Variants in PIP4K2A observed in about 807,000 individuals in gnomAD.
PIP4K2A encodes phosphatidylinositol 5-phosphate 4-kinase type-2 alpha.
PIP4K2A carries 14 observed loss-of-function variants against 42.9 expected under a neutral mutation model. The observed-to-expected ratio is 0.33, with a 90% CI of 0.22 to 0.51. PIP4K2A has a LOEUF of 0.51. Ranked by LOEUF, PIP4K2A falls within the 20% of genes least tolerant of loss-of-function variation. PIP4K2A has a pLI of 0.97. For missense variants in PIP4K2A, 434 were observed against 519.8 expected, an observed-to-expected ratio of 0.83 and a Z score of 1.61; for synonymous variants, 192 against 192.2, an observed-to-expected ratio of 1.00 and a Z score of 0.01.
At chr10:22,653,860 T>A (rs767270540) in intron 1 of PIP4K2A, among the ~76,000 whole-genome samples, 34 of 151,724 alleles carry the variant, frequency 2.2e-4, no homozygotes, top group Admixed American at 3.9e-4. Context: ...GGCAACAGAG[T>A]GAGACTCCAT....
intron 1 of PIP4K2A, chr10:22,661,944 T>C (rs947171271): frequency 4.6e-5 from 7 of 152,126 alleles, no homozygotes; most frequent in East Asian, 1.9e-4. Flanking sequence ...AGGAACAAGA[T>C]TGTGATGTGA....
At chr10:22,591,352 TA>T (rs200429568) in intron 4 of PIP4K2A, among the ~76,000 whole-genome samples, 2,297 of 152,344 alleles carry the variant, frequency 0.015, 53 homozygotes, top group African/African-American at 0.051. Flanking sequence ...TGAATGATTT[TA>T]AAATCAGAGT....
chr10:22,634,196 C>T (rs1838613526), intron 1 of PIP4K2A, among the ~76,000 whole-genome samples: 1 of 152,178 alleles, frequency 6.6e-6, no homozygotes, highest in Admixed American at 6.5e-5. Flanking sequence ...CAGAAGAGAC[C>T]AAAGAGCCCA....
intron 1 of PIP4K2A, among the ~76,000 whole-genome samples, chr10:22,660,411 C>G (rs1241635950): frequency 6.6e-6 from 1 of 152,084 alleles, no homozygotes; most frequent in African/African-American, 2.4e-5. Context: ...GCAGAGACTG[C>G]AGTGAGCTGA....
rs1010859436 is a variant in PIP4K2A, at chr10:22,536,955, TCACCCCCCCCCAACACACACA to T, written c.*225_*245del. ...TTAAAATGCACACGCGCGCACACACTCACCCCCCCCCAACACACACACACACACATATACACAAAGTCAGAA... is the reference window on the plus strand; with the variant it reads ...TTAAAATGCACACGCGCGCACACACTCACACACATATACACAAAGTCAGAA... On this transcript the variant is annotated 3_prime_UTR_variant, in exon 10 of 10. Transcript: ENST00000376573. The T allele has an allele frequency of 8.1e-5, 31 of 384,480 alleles. No individual in the cohort carries two copies. Among genetic ancestry groups the T allele is most frequent in the Non-Finnish European group, 1.3e-4 (31 of 234,446 alleles). The allele number at this position is 384,480 out of a possible 1,614,324, so 23.8% of individuals were successfully genotyped here. A position where few individuals can be genotyped will look rare whatever the true frequency, so the allele number is the denominator to read the frequency against.
At chr10:22,641,348 G>T (rs1385329785) in intron 1 of PIP4K2A, among the ~76,000 whole-genome samples, 1 of 152,308 alleles carries the variant, frequency 6.6e-6, no homozygotes, top group Admixed American at 6.5e-5. Flanking sequence ...TCAGTAAATA[G>T]ATCTACATTA....
intron 1 of PIP4K2A, chr10:22,713,981 G>A (rs1226049750): frequency 4.2e-5 from 22 of 517,750 alleles, no homozygotes; most frequent in Non-Finnish European, 7.5e-5. Flanking sequence ...GATCTAAAGG[G>A]GACGCAAGTG....
intron 1 of PIP4K2A, among the ~76,000 whole-genome samples, chr10:22,673,990 T>A (rs1839506030): frequency 1.3e-5 from 2 of 152,218 alleles, no homozygotes; most frequent in Non-Finnish European, 2.9e-5. Context: ...ATTTTGCAAA[T>A]GAAAGCTCAA....
At position 22,573,304 on chromosome 10, in the gene PIP4K2A, G is replaced by A; in HGVS notation, c.639+7C>T. The A allele has an allele frequency of 1.2e-6, 2 of 1,610,488 alleles. No homozygotes were observed. The highest frequency in any genetic ancestry group is 1.3e-5 in the African/African-American group (1 of 74,842). ...TACTTTACAAAAATTCATAAAATCA[G>A]TCTCACCTTTAAGTCGTATTTCCTA... On this transcript the variant is annotated splice_region_variant and intron_variant, in intron 5 of 9. Coordinates refer to ENST00000376573, the MANE Select transcript of PIP4K2A (RefSeq NM_005028.5).
At chr10:22,664,172 T>TATATATATAC (rs1186792724) in intron 1 of PIP4K2A, among the ~76,000 whole-genome samples, 1 of 74,006 alleles carries the variant, frequency 1.4e-5, no homozygotes, top group Non-Finnish European at 2.3e-5. Flanking sequence ...TATATACATA[T>TATATATATAC]ATATATATAC....
At chr10:22,612,264 G>C (rs1010326018) in intron 1 of PIP4K2A, among the ~76,000 whole-genome samples, 3 of 152,228 alleles carry the variant, frequency 2.0e-5, no homozygotes, top group Non-Finnish European at 4.4e-5. Flanking sequence ...ATTAACTGAA[G>C]AACTGCCCCA....
chr10:22,687,198 C>T (rs537167097), intron 1 of PIP4K2A, among the ~76,000 whole-genome samples: 1 of 151,270 alleles, frequency 6.6e-6, no homozygotes, highest in Non-Finnish European at 1.5e-5. Context: ...AAGAGAAACC[C>T]TTCCTGAGAC....
intron 2 of PIP4K2A, among the ~76,000 whole-genome samples, chr10:22,609,408 A>G (rs1038181969): frequency 6.6e-6 from 1 of 152,286 alleles, no homozygotes; most frequent in African/African-American, 2.4e-5. Flanking sequence ...AGATATTCAT[A>G]GAGAACAATA....
chr10:22,566,942 G>T (rs949782322), intron 6 of PIP4K2A, among the ~76,000 whole-genome samples: 1 of 152,172 alleles, frequency 6.6e-6, no homozygotes, highest in African/African-American at 2.4e-5. Context: ...CTGAAGCTAG[G>T]ATAGTAGCCA....
rs1317191241 is a variant in PIP4K2A at position 22,567,603 on chromosome 10, T to G, written c.678+248A>C. 5.7e-6 allele frequency: 4 copies of G among 702,566 alleles called. No homozygotes were observed. The East Asian group carries it at 1.1e-4, about 19-fold the overall frequency. The allele number at this position is 702,566 out of a possible 1,614,324, so 43.5% of individuals were successfully genotyped here. On this transcript the variant is annotated intron_variant, in intron 6 of 9. Coordinates refer to ENST00000376573, the MANE Select transcript of PIP4K2A (RefSeq NM_005028.5). ...GTGGCTGTGTTTTTCAAGAGCAAGT[T>G]GCATGTGGAATGTTCCTTCCAACCA...
At chr10:22,684,639 C>T (rs1404765943) in intron 1 of PIP4K2A, among the ~76,000 whole-genome samples, 1 of 152,182 alleles carries the variant, frequency 6.6e-6, no homozygotes, top group East Asian at 1.9e-4. Flanking sequence ...TGTCCAGTAT[C>T]AGCTCGAGCT....
chr10:22,653,655 T>C lies in PIP4K2A; in HGVS notation c.145-43938A>G, dbSNP rs1338720868. On this transcript the variant is annotated intron_variant, in intron 1 of 9. Transcript: ENST00000376573. ...GGGATCGGGCATGGTGGCTCACCCC[T>C]GTAATCCCAGCACTTCGGGAGGCTG... 2.0e-5 allele frequency among the ~76,000 whole-genome samples: 3 copies of C among 152,152 alleles called. No homozygotes were observed. In the East Asian group the frequency reaches 5.8e-4, roughly 29 times the overall value.
chr10:22,632,579 A>G lies in PIP4K2A; in HGVS notation c.145-22862T>C, dbSNP rs1838571811. 2.0e-5 allele frequency among the ~76,000 whole-genome samples: 3 copies of G among 152,200 alleles called. No individual in the cohort carries two copies. The South Asian group carries it at 6.2e-4, about 31-fold the overall frequency. Reference sequence around the variant, plus strand: ...AGTATTTCTCTCACACCCCACTGGGATAAGCAATGTCATCTGCTCTATTCC... The same window carrying G: ...AGTATTTCTCTCACACCCCACTGGGGTAAGCAATGTCATCTGCTCTATTCC... On this transcript the variant is annotated intron_variant, in intron 1 of 9. Transcript: ENST00000376573.
At chr10:22,702,010 C>T (rs775997591) in intron 1 of PIP4K2A, among the ~76,000 whole-genome samples, 5 of 152,220 alleles carry the variant, frequency 3.3e-5, no homozygotes, top group Non-Finnish European at 7.3e-5. Flanking sequence ...AATTTTATAT[C>T]ACCATGAGGT....
Sources: gnomAD v4.1 joint callset for allele counts (sites outside exome capture counted in the v4.1 genomes callset) on GRCh38, gnomAD v4.1.1 for gene constraint, MANE v1.5 for transcripts, NCBI Gene and HGNC (gene_info 2026-07-23, HGNC 2026-07-21) for gene names.